Variants in GRIN2A observed in about 807,000 individuals in gnomAD.
GRIN2A encodes the protein glutamate ionotropic receptor NMDA type subunit 2A, also known as glutamate receptor ionotropic, NMDA 2A.
GRIN2A carries 22 observed loss-of-function variants against 113.4 expected under a neutral mutation model. The observed-to-expected ratio is 0.19, with a 90% CI of 0.14 to 0.28. The LOEUF (loss-of-function observed/expected upper bound fraction) is 0.28, where lower values mean the gene tolerates loss of function less well. Ranked by LOEUF, GRIN2A falls within the 10% of genes least tolerant of loss-of-function variation. The pLI, the probability that GRIN2A is intolerant of heterozygous loss-of-function variation, is 1.00. For synonymous variants in GRIN2A, 827 were observed against 738.4 expected (o/e 1.12, Z -1.94); for missense variants, 1,502 against 1,887.0 (o/e 0.80, Z 3.78).
intron 2 of GRIN2A, among the ~76,000 whole-genome samples, chr16:9,942,037 T>C (rs1434837624): frequency 2.0e-5 from 3 of 152,196 alleles, no homozygotes; most frequent in Non-Finnish European, 4.4e-5. Flanking sequence ...GATTCTCTTG[T>C]ATCAAAACAC....
chr16:9,879,755 G>A (rs2141450747), intron 4 of GRIN2A, among the ~76,000 whole-genome samples: 2 of 152,302 alleles, frequency 1.3e-5, no homozygotes, highest in South Asian at 4.2e-4. Context: ...ATTTGCAAAA[G>A]AGGGTAATAG....
At chr16:9,958,053 T>G (rs1187617801) in intron 2 of GRIN2A, among the ~76,000 whole-genome samples, 1 of 152,230 alleles carries the variant, frequency 6.6e-6, no homozygotes, top group Non-Finnish European at 1.5e-5. Flanking sequence ...ACAGCTCTGC[T>G]ATCTCCAAGC....
intron 9 of GRIN2A, among the ~76,000 whole-genome samples, chr16:9,823,923 A>G (rs1469427521): frequency 6.6e-6 from 1 of 152,184 alleles, no homozygotes; most frequent in African/African-American, 2.4e-5. Flanking sequence ...AATCAGTGTC[A>G]GAACCAGGAC....
chr16:9,981,034 A>G (rs1596384489), intron 2 of GRIN2A, among the ~76,000 whole-genome samples: 1 of 119,130 alleles, frequency 8.4e-6, no homozygotes, highest in African/African-American at 3.4e-5. Flanking sequence ...TTATATTAGG[A>G]AAAAAAAAAG....
chr16:10,032,795 T>A (rs1234066438), intron 2 of GRIN2A, among the ~76,000 whole-genome samples: 1 of 152,196 alleles, frequency 6.6e-6, no homozygotes, highest in East Asian at 1.9e-4. Context: ...AGAGCTTTCA[T>A]CATAGCTTCT....
chr16:9,755,658 A>G lies in GRIN2A; in HGVS notation c.*7491T>C, dbSNP rs1254501675. On this transcript the variant is annotated 3_prime_UTR_variant, in exon 13 of 13. Coordinates refer to ENST00000330684, the MANE Select transcript of GRIN2A (RefSeq NM_001134407.3). The stretch of plus-strand genomic sequence containing the variant: ...CCAGGAAAGAAATGTGGCTTAGACC[A>G]TGGAGAGGGGGGAATGCAGGAAAGG... 5.1e-6 allele frequency: 1 copy of G among 197,154 alleles called. No individual in the cohort carries two copies. The highest frequency in any genetic ancestry group is 7.7e-5 in the East Asian group (1 of 12,934). 12.2% of individuals were successfully genotyped at this position (197,154 alleles called of 1,614,324 possible). A position where few individuals can be genotyped will look rare whatever the true frequency, so the allele number is the denominator to read the frequency against.
intron 2 of GRIN2A, among the ~76,000 whole-genome samples, chr16:10,117,040 A>G (rs1273053686): frequency 6.7e-6 from 1 of 149,770 alleles, no homozygotes; most frequent in Non-Finnish European, 1.5e-5. Flanking sequence ...AGCTACAGGG[A>G]ATATTCTAGC....
chr16:10,108,583 C>A (rs2048543237), intron 2 of GRIN2A, among the ~76,000 whole-genome samples: 1 of 152,136 alleles, frequency 6.6e-6, no homozygotes, highest in African/African-American at 2.4e-5. Context: ...CAGAAGGAAT[C>A]AGAATTTGTG....
Position 9,824,065 on chromosome 16 carries a change from C to G in GRIN2A, c.2008-1641G>C, listed in dbSNP as rs542917271. 2.6e-5 allele frequency among the ~76,000 whole-genome samples: 4 copies of G among 152,340 alleles called. No homozygotes were observed. The South Asian group carries it at 8.3e-4, about 32-fold the overall frequency. On this transcript the variant is annotated intron_variant, in intron 9 of 12. Coordinates refer to ENST00000330684, the MANE Select transcript of GRIN2A (RefSeq NM_001134407.3). Reference sequence around the variant, plus strand: ...CATTATTCTTTTTTCCAGACTCACACTTCACTTCACTGTTAATTAAAATTT... The same window carrying G: ...CATTATTCTTTTTTCCAGACTCACAGTTCACTTCACTGTTAATTAAAATTT...
intron 2 of GRIN2A, among the ~76,000 whole-genome samples, chr16:9,961,507 A>C (rs2045442131): frequency 6.6e-6 from 1 of 152,252 alleles, no homozygotes; most frequent in Non-Finnish European, 1.5e-5. Flanking sequence ...TTCAAGAACA[A>C]GCAAAACTAA....
chr16:9,823,906 C>A (rs1252993182), intron 9 of GRIN2A, among the ~76,000 whole-genome samples: 1 of 152,062 alleles, frequency 6.6e-6, no homozygotes, highest in Non-Finnish European at 1.5e-5. Context: ...GGGAAGAGCA[C>A]CCAGAAAATC....
At chr16:10,105,784 G>A (rs775593961) in intron 2 of GRIN2A, among the ~76,000 whole-genome samples, 29 of 152,192 alleles carry the variant, frequency 1.9e-4, no homozygotes, top group Admixed American at 9.2e-4. Context: ...GTGCGCACAC[G>A]TAATCCCAGC....
intron 2 of GRIN2A, among the ~76,000 whole-genome samples, chr16:10,076,824 A>T (rs1307033280): frequency 6.6e-6 from 1 of 152,180 alleles, no homozygotes; most frequent in Non-Finnish European, 1.5e-5. Flanking sequence ...CTCCACCAGG[A>T]TATGTGTGTA....
intron 4 of GRIN2A, among the ~76,000 whole-genome samples, chr16:9,888,015 A>T (rs897308296): frequency 6.6e-6 from 1 of 152,190 alleles, no homozygotes; most frequent in Admixed American, 6.6e-5. Flanking sequence ...ATCTTGGCTC[A>T]CCGGAACCTC....
chr16:9,837,360 T>TAAG (rs1213884025), intron 7 of GRIN2A, among the ~76,000 whole-genome samples: 1 of 152,040 alleles, frequency 6.6e-6, no homozygotes, highest in Non-Finnish European at 1.5e-5. Flanking sequence ...GAGGTTTTGC[T>TAAG]AAATTTAGCA....
intron 8 of GRIN2A, among the ~76,000 whole-genome samples, chr16:9,829,899 A>G (rs2042457285): frequency 6.6e-6 from 1 of 152,210 alleles, no homozygotes; most frequent in South Asian, 2.1e-4. Context: ...GGAAACGAAA[A>G]TGGTTATGCA....
rs192049628 is a variant in GRIN2A at position 9,810,935 on chromosome 16, C to T, written c.2168+11329G>A. Among the ~76,000 whole-genome samples the T allele has an allele frequency of 4.4e-3, 663 of 152,272 alleles. 2 individuals are homozygous for T. Among genetic ancestry groups the T allele is most frequent in the Admixed American group, 8.2e-3 (126 of 15,304 alleles). ...GTCTGGGGTTGGCCCCGGGCACTTT[C>T]CATGGGGTGTAAACAGTGTCTCCTA... is the stretch of plus-strand genomic sequence containing the variant. On this transcript the variant is annotated intron_variant, in intron 10 of 12. Coordinates refer to ENST00000330684, the MANE Select transcript of GRIN2A (RefSeq NM_001134407.3).
intron 4 of GRIN2A, among the ~76,000 whole-genome samples, chr16:9,886,883 T>A (rs1371758126): frequency 1.3e-5 from 2 of 152,154 alleles, no homozygotes; most frequent in Non-Finnish European, 2.9e-5. Context: ...TCTGAAGGAT[T>A]TAAGGTTTTG....
chr16:10,039,838 G>GAGAGAGAGGGAGAGAGGAC, intron 2 of GRIN2A, among the ~76,000 whole-genome samples: 1 of 95,884 alleles, frequency 1.0e-5, no homozygotes, highest in African/African-American at 4.8e-5. Flanking sequence ...AGAGAGAGGA[G>GAGAGAGAGGGAGAGAGGAC]TCCTGGTCCA....
Sources: allele counts gnomAD v4.1 joint callset (sites outside exome capture counted in the v4.1 genomes callset), GRCh38; gene constraint gnomAD v4.1.1; transcripts MANE v1.5; gene names NCBI Gene and HGNC (gene_info 2026-07-23, HGNC 2026-07-21).